The following CRHR2 variants were observed in gnomAD, a reference collection of about 807,000 sequenced individuals.
CRHR2 encodes the protein corticotropin releasing hormone receptor 2.
A neutral mutation model predicts 57.9 loss-of-function variants in CRHR2; 53 were observed. The observed-to-expected ratio is 0.92, with a 90% confidence interval of 0.73 to 1.15. CRHR2 has a LOEUF of 1.15. Ranked by LOEUF, CRHR2 falls within the 50% of genes most tolerant of loss-of-function variation. CRHR2 has a pLI of 0.00. For missense variants in CRHR2, 532 were observed against 542.6 expected (o/e 0.98, Z 0.19); for synonymous variants, 213 against 220.9 (o/e 0.96, Z 0.32).
intron 8 of CRHR2, among the ~76,000 whole-genome samples, chr7:30,659,967 T>C (rs1783933858): frequency 6.6e-6 from 1 of 152,252 alleles, no homozygotes. Context: ...AAAGGTATGA[T>C]ATATAATGGG....
intron 10 of CRHR2, 71 bp from the exon 11 acceptor site, chr7:30,655,151 C>T (rs370493060): frequency 1.3e-6 from 2 of 1,523,324 alleles, no homozygotes; most frequent in African/African-American, 2.8e-5. Flanking sequence ...TGGGGTGGCA[C>T]TGGGGACAAG....
chr7:30,695,582 T>G (rs920376923), intron 1 of CRHR2, among the ~76,000 whole-genome samples: 5 of 152,000 alleles, frequency 3.3e-5, no homozygotes, highest in Non-Finnish European at 5.9e-5. Context: ...TGGCCCAACA[T>G]AGGGGCAGGA....
At chr7:30,687,161 A>T (rs7793837), upstream of CRHR2, among the ~76,000 whole-genome samples, 59,958 of 151,872 alleles carry the variant, frequency 0.39, 15,922 homozygotes, top group African/African-American at 0.77. Flanking sequence ...TCTGCGTTAG[A>T]CATGATGCAT....
At chr7:30,680,371 C>G (rs550944689) in intron 2 of CRHR2, among the ~76,000 whole-genome samples, 1 of 152,134 alleles carries the variant, frequency 6.6e-6, no homozygotes, top group Non-Finnish European at 1.5e-5. Context: ...CCAGGCTGGT[C>G]GGGGAGAACA....
chr7:30,687,307 C>A (rs7794226), upstream of CRHR2, among the ~76,000 whole-genome samples: 1 of 151,824 alleles, frequency 6.6e-6, no homozygotes, highest in African/African-American at 2.4e-5. Flanking sequence ...GTGATGCATC[C>A]CCAGAGTGGC....
chr7:30,690,942 G>T (rs1428906986), intron 1 of CRHR2, among the ~76,000 whole-genome samples: 4 of 152,228 alleles, frequency 2.6e-5, no homozygotes, highest in African/African-American at 9.6e-5. Context: ...TCAGCCAGGA[G>T]TTCTGGCCTC....
intron 2 of CRHR2, among the ~76,000 whole-genome samples, chr7:30,676,903 C>T (rs951473565): frequency 9.2e-5 from 14 of 152,340 alleles, no homozygotes; most frequent in African/African-American, 2.6e-4. Flanking sequence ...CCCCTTCTTC[C>T]CCTGTCCTGG....
In CRHR2 at chr7:30,665,448, G is replaced by C; in HGVS notation, c.425+82C>G. 8.2e-7 allele frequency: 1 copy of C among 1,224,096 alleles called. No homozygotes were observed. Among genetic ancestry groups the C allele is most frequent in the Admixed American group, 2.1e-5 (1 of 48,202 alleles). 75.8% of individuals were successfully genotyped at this position (1,224,096 alleles called of 1,614,324 possible). On this transcript the variant is annotated intron_variant, in intron 4 of 11. Coordinates refer to ENST00000471646, the MANE Select transcript of CRHR2 (RefSeq NM_001883.5). This position sits in a 1 kb window ranked among gnomAD's most constrained non-coding sequence, Gnocchi z 4.5. ...CTTTTATCTGCTGGGCCCCAGAATG[G>C]AGGTGAGAATGTCTGGGAGAGGTGA...
At chr7:30,657,390 C>T (rs1386688324) in intron 8 of CRHR2, among the ~76,000 whole-genome samples, 1 of 152,148 alleles carries the variant, frequency 6.6e-6, no homozygotes, top group Non-Finnish European at 1.5e-5. Context: ...GGAAAGCCTT[C>T]AGCGGGGCTG....
intron 2 of CRHR2, among the ~76,000 whole-genome samples, chr7:30,677,887 T>G (rs1445575359): frequency 1.8e-4 from 28 of 152,188 alleles, no homozygotes; most frequent in Non-Finnish European, 5.9e-5. Flanking sequence ...TCTGGCAAAA[T>G]GGCAAGATCC....
At chr7:30,682,080 C>G (rs775977428) in intron 1 of CRHR2, 40 bp from the exon 2 acceptor site, 1 of 1,549,552 alleles carries the variant, frequency 6.5e-7, no homozygotes, top group South Asian at 1.2e-5. Flanking sequence ...CAGAGGGGCC[C>G]GCAGGGACGC....
chr7:30,698,315 C>A (rs1304503151), intron 1 of CRHR2: 3 of 152,290 alleles, frequency 2.0e-5, no homozygotes, highest in Non-Finnish European at 2.9e-5. Context: ...ACGCTGAGAC[C>A]ACAGTGTTGC....
Position 30,671,842 on chromosome 7 carries a change from T to TG in CRHR2, c.230-4530_230-4529insC, listed in dbSNP as rs1784369235. On this transcript the variant is annotated intron_variant, in intron 2 of 11. Transcript: ENST00000471646. The stretch of plus-strand genomic sequence containing the variant: ...ATGATGATGATGATGATGATGATGA[T>TG]AATGATGATGATGATAGAAGAAGAA... 9.1e-5 allele frequency among the ~76,000 whole-genome samples: 13 copies of TG among 142,388 alleles called. No homozygotes were observed. In the Middle Eastern group the frequency reaches 0.014, roughly 151 times the overall value. 93.4% of individuals were successfully genotyped at this position (142,388 alleles called of 152,430 possible). A position where few individuals can be genotyped will look rare whatever the true frequency, so the allele number is the denominator to read the frequency against.
intron 2 of CRHR2, among the ~76,000 whole-genome samples, chr7:30,672,867 G>C (rs1784408889): frequency 1.3e-5 from 2 of 152,238 alleles, no homozygotes; most frequent in African/African-American, 4.8e-5. Context: ...GACCAGAAGA[G>C]AGAAACTGAC....
chr7:30,655,193 C>T (rs1281535392), intron 10 of CRHR2, 113 bp from the exon 11 acceptor site: 2 of 1,225,802 alleles, frequency 1.6e-6, no homozygotes, highest in East Asian at 2.5e-5. Flanking sequence ...GACCCAGGAA[C>T]CCCTGGAGTC....
chr7:30,689,124 T>C, intron 2 of CRHR2: 1 of 1,409,162 alleles, frequency 7.1e-7, no homozygotes, highest in East Asian at 2.5e-5. Context: ...CAGGAAAGCC[T>C]CTTCCTCCCG....
At chr7:30,700,021 A>G (rs1341000292) in exon 1 of CRHR2, 1 of 1,430,322 alleles carries the variant, frequency 7.0e-7, no homozygotes, top group East Asian at 2.9e-5. Context: ...GGGGGCCCTG[A>G]GGGACCCCTC....
rs1424960879 is a variant in CRHR2 at position 30,656,766 on chromosome 7, G to A, written c.832-754C>T. Among the ~76,000 whole-genome samples the A allele has an allele frequency of 6.6e-6, 1 of 152,226 alleles. No homozygotes were observed. The highest frequency in any genetic ancestry group is 2.4e-5 in the African/African-American group (1 of 41,462). On this transcript the variant is annotated intron_variant, in intron 8 of 11. Transcript: ENST00000471646. The surrounding 1 kb of genome is among the most constrained non-coding windows in gnomAD (Gnocchi z 4.4). ...GGTGTGGGTCCCCATGGGCCTGCGAGTGTCTGTTCATCTGTATTGGCTGTG... is the reference window on the plus strand; with the variant it reads ...GGTGTGGGTCCCCATGGGCCTGCGAATGTCTGTTCATCTGTATTGGCTGTG...
At position 30,653,800 on chromosome 7, in the gene CRHR2, GACTCCACACCTCCTTT is replaced by G. The variant is rs1304078749; in HGVS notation, c.1096-216_1096-201del. The stretch of plus-strand genomic sequence containing the variant: ...CCTTATCCTTTTCCTGGAGAAGCTT[GACTCCACACCTCCTTT>G]ACTCCACACTGTCCTCCCAGATCAT... On this transcript the variant is annotated intron_variant, in intron 11 of 11. Coordinates refer to ENST00000471646, the MANE Select transcript of CRHR2 (RefSeq NM_001883.5). The surrounding 1 kb of genome is among the most constrained non-coding windows in gnomAD (Gnocchi z 5.0). 6.6e-6 allele frequency among the ~76,000 whole-genome samples: 1 copy of G among 152,104 alleles called. No individual in the cohort carries two copies. The highest frequency in any genetic ancestry group is 1.5e-5 in the Non-Finnish European group (1 of 68,010).
Sources: gnomAD v4.1 joint callset for allele counts (sites outside exome capture counted in the v4.1 genomes callset) on GRCh38, gnomAD v4.1.1 for gene constraint, Gnocchi (gnomAD v3.1) non-coding constraint, MANE v1.5 for transcripts, NCBI Gene and HGNC (gene_info 2026-07-23, HGNC 2026-07-21) for gene names.